The following CBFA2T3 variants were observed in gnomAD, a reference collection of about 807,000 sequenced individuals.
CBFA2T3 encodes the protein CBFA2/RUNX1 partner transcriptional co-repressor 3, also known as transcriptional corepressor CBFA2T3.
A neutral mutation model predicts 58.6 loss-of-function variants in CBFA2T3; 31 were observed. The ratio of observed to expected loss-of-function variants is 0.53; its 90% CI spans 0.40 to 0.71. CBFA2T3 has a LOEUF of 0.71. CBFA2T3 is among the 30% of genes least tolerant of loss of function. CBFA2T3 has a pLI of 0.00. For missense variants in CBFA2T3, 1,076 were observed against 963.1 expected (o/e 1.12, Z -1.55); for synonymous variants, 531 against 421.9 (o/e 1.26, Z -3.17).
chr16:88,945,248 C>T (rs980750498), intron 1 of CBFA2T3, among the ~76,000 whole-genome samples: 1 of 152,152 alleles, frequency 6.6e-6, no homozygotes, highest in African/African-American at 2.4e-5. Context: ...CAGCTCCCTA[C>T]CTAGAACAGT....
At chr16:88,882,826 A>G (rs922444607) in intron 7 of CBFA2T3, 65 bp from the exon 8 acceptor site, 1 of 1,127,238 alleles carries the variant, frequency 8.9e-7, no homozygotes, top group African/African-American at 1.5e-5. Flanking sequence ...ATTCTCCCAG[A>G]CCCCGCCCTC....
intron 1 of CBFA2T3, among the ~76,000 whole-genome samples, chr16:88,912,963 G>A (rs1250134603): frequency 6.6e-6 from 1 of 152,224 alleles, no homozygotes; most frequent in African/African-American, 2.4e-5. Context: ...TGCCGGTCAT[G>A]GCTATTCAGG....
intron 1 of CBFA2T3, among the ~76,000 whole-genome samples, chr16:88,972,806 G>T (rs191172290): frequency 6.6e-6 from 1 of 152,328 alleles, no homozygotes; most frequent in East Asian, 1.9e-4. Flanking sequence ...CAACAAAAGG[G>T]GGGACAGGAG....
intron 1 of CBFA2T3, among the ~76,000 whole-genome samples, chr16:88,975,439 C>G (rs1362463759): frequency 3.9e-5 from 6 of 152,240 alleles, no homozygotes; most frequent in African/African-American, 1.2e-4. Flanking sequence ...AGAACCTGCT[C>G]TCACGCGGGG....
intron 1 of CBFA2T3, among the ~76,000 whole-genome samples, chr16:88,974,047 G>A (rs1264776403): frequency 6.6e-6 from 1 of 152,090 alleles, no homozygotes; most frequent in Non-Finnish European, 1.5e-5. Context: ...TCTCCCCCAT[G>A]GAGGTCCCAG....
At chr16:88,946,526 A>C (rs1019387150) in intron 1 of CBFA2T3, among the ~76,000 whole-genome samples, 3 of 151,726 alleles carry the variant, frequency 2.0e-5, no homozygotes, top group Non-Finnish European at 4.4e-5. Context: ...CTTGTCTCCC[A>C]GACTGGAGTG....
intron 1 of CBFA2T3, among the ~76,000 whole-genome samples, chr16:88,916,202 G>C (rs1008535702): frequency 2.0e-5 from 3 of 150,788 alleles, no homozygotes; most frequent in Non-Finnish European, 4.4e-5. Flanking sequence ...GTGTGTCCGT[G>C]TACATGCACT....
At chr16:88,933,937 C>T (rs940414326) in intron 1 of CBFA2T3, among the ~76,000 whole-genome samples, 4 of 140,918 alleles carry the variant, frequency 2.8e-5, no homozygotes, top group African/African-American at 4.9e-5. Context: ...ACGCTGCCCC[C>T]GGGAGAGCTG....
At chr16:88,932,366 G>T (rs1005057907) in intron 1 of CBFA2T3, among the ~76,000 whole-genome samples, 1 of 152,146 alleles carries the variant, frequency 6.6e-6, no homozygotes. Flanking sequence ...TGGGTGCAGC[G>T]GCTCACGCCT....
chr16:88,976,764 G>C lies in CBFA2T3; in HGVS notation c.44C>G (p.Ser15Trp). The stretch of plus-strand genomic sequence containing the variant: ...GGACATGGAGCCACAGGTGGATCCC[G>C]AGGCTGAACTGGCTGCCCTGTCCCT... ...RLRDRAASSA[S>W]GSTCGSMSQT... Residue 15 changes from serine to tryptophan, a missense_variant, in exon 1 of 12, where the codon TCG (serine) becomes TGG (tryptophan). Ser to Trp is a radical substitution (Grantham distance 177). Transcript: ENST00000268679. 3 of 1,557,084 alleles carry C rather than the reference G, an allele frequency of 1.9e-6. No individual in the cohort carries two copies. Among genetic ancestry groups the C allele is most frequent in the Non-Finnish European group, 2.6e-6 (3 of 1,150,218 alleles).
At chr16:88,942,735 C>T (rs574383489) in intron 1 of CBFA2T3, among the ~76,000 whole-genome samples, 12 of 152,328 alleles carry the variant, frequency 7.9e-5, no homozygotes, top group African/African-American at 2.9e-4. Context: ...AGCCAGACTC[C>T]GTGAAAATTG....
At chr16:88,900,299 G>A (rs1597695696) in intron 2 of CBFA2T3, among the ~76,000 whole-genome samples, 1 of 152,338 alleles carries the variant, frequency 6.6e-6, no homozygotes, top group Admixed American at 6.5e-5. Context: ...ACCAAGTCGG[G>A]AGGCTGACTC....
In CBFA2T3 at chr16:88,877,009, G is replaced by A. The variant is rs1470771428; in HGVS notation, c.1929C>T (p.Ser643=). ...GCACGGTGTCCAGTGGGCCAGGTGGGCTGGGGGAGCCGGGGCGAGAAGGCC... is the reference window on the plus strand; with the variant it reads ...GCACGGTGTCCAGTGGGCCAGGTGGACTGGGGGAGCCGGGGCGAGAAGGCC... ...SAGPSRPGSP[S]PPGPLDTVPR is the part of the protein sequence containing the mutation. The change falls in exon 12 of 12, where the codon AGC becomes AGT. Residue 643 remains serine, a synonymous_variant. Coordinates refer to ENST00000268679, the MANE Select transcript of CBFA2T3 (RefSeq NM_005187.6). 9 of 1,473,562 alleles carry A rather than the reference G, an allele frequency of 6.1e-6. No individual in the cohort carries two copies. The highest frequency in any genetic ancestry group is 2.5e-5 in the East Asian group (1 of 39,552). 91.3% of individuals were successfully genotyped at this position (1,473,562 alleles called of 1,614,324 possible). A position where few individuals can be genotyped will look rare whatever the true frequency, so the allele number is the denominator to read the frequency against.
intron 5 of CBFA2T3, among the ~76,000 whole-genome samples, chr16:88,889,419 G>A (rs1357234068): frequency 3.4e-5 from 5 of 147,348 alleles, no homozygotes; most frequent in African/African-American, 1.3e-4. Flanking sequence ...GAGGGAGGGA[G>A]CGAGGGTGGG....
intron 1 of CBFA2T3, chr16:88,951,208 C>T (rs1245351335): frequency 3.0e-5 from 12 of 395,154 alleles, no homozygotes; most frequent in Admixed American, 2.6e-4. Context: ...TCTGTTCACC[C>T]GTCCCCTGGA....
At chr16:88,971,698 G>A (rs1972659884) in intron 1 of CBFA2T3, among the ~76,000 whole-genome samples, 3 of 152,234 alleles carry the variant, frequency 2.0e-5, no homozygotes, top group Admixed American at 6.5e-5. Context: ...TCCTTCAAAG[G>A]GTGGGTGGGC....
At chr16:88,928,935 G>A (rs1255043164) in intron 1 of CBFA2T3, among the ~76,000 whole-genome samples, 6 of 152,236 alleles carry the variant, frequency 3.9e-5, no homozygotes, top group Admixed American at 2.6e-4. Context: ...AGCCAGGCAC[G>A]GTGGGCCAGC....
At chr16:88,966,717 G>A (rs1198655982) in intron 1 of CBFA2T3, among the ~76,000 whole-genome samples, 1 of 149,688 alleles carries the variant, frequency 6.7e-6, no homozygotes, top group Non-Finnish European at 1.5e-5. Flanking sequence ...CTGGACAGAG[G>A]CCTTTCTGAA....
chr16:88,881,399 T>C lies in CBFA2T3; in HGVS notation c.1294A>G (p.Asn432Asp). The change falls in exon 9 of 12, where the codon AAC (asparagine) becomes GAC (aspartate). Residue 432 changes from asparagine to aspartate, a missense_variant. By Grantham distance (23) the Asn-to-Asp change is conservative. Coordinates refer to ENST00000268679, the MANE Select transcript of CBFA2T3 (RefSeq NM_005187.6). Reference sequence around the variant, plus strand: ...TCGCTGTAGCGCCGCGCCCAGTGGTTGAGCTCCTCGCGGTCGGCCTCCTGG... The same window carrying C: ...TCGCTGTAGCGCCGCGCCCAGTGGTCGAGCTCCTCGCGGTCGGCCTCCTGG... ...RCQEADREEL[N>D]HWARRYSDAE... 1 of 1,604,868 alleles carries C rather than the reference T, an allele frequency of 6.2e-7. No individual in the cohort carries two copies.
Sources: gnomAD v4.1 joint callset for allele counts (sites outside exome capture counted in the v4.1 genomes callset) on GRCh38, gnomAD v4.1.1 for gene constraint, MANE v1.5 for transcripts, NCBI Gene and HGNC (gene_info 2026-07-23, HGNC 2026-07-21) for gene names.